Variants in CADM1 observed in about 807,000 individuals in gnomAD.
The protein encoded by CADM1 is TSLC-1.
In CADM1, 15 loss-of-function variants were observed where a neutral mutation model predicts 53.1. The ratio of observed to expected loss-of-function variants is 0.28; its 90% confidence interval spans 0.19 to 0.44. The LOEUF is 0.44. Ranked by LOEUF, CADM1 falls within the 20% of genes least tolerant of loss-of-function variation. CADM1 has a pLI of 1.00. For synonymous variants in CADM1, 281 were observed against 243.0 expected, an observed-to-expected ratio of 1.16 and a Z score of -1.45; for missense variants, 434 against 611.3, an observed-to-expected ratio of 0.71 and a Z score of 3.06.
intron 1 of CADM1, among the ~76,000 whole-genome samples, chr11:115,471,969 G>A (rs1949022685): frequency 6.6e-6 from 1 of 152,060 alleles, no homozygotes; most frequent in South Asian, 2.1e-4. Context: ...AGAGGGCAAG[G>A]GGCCATGGCA....
At chr11:115,217,147 T>A (rs962925755) in intron 6 of CADM1, among the ~76,000 whole-genome samples, 1 of 152,138 alleles carries the variant, frequency 6.6e-6, no homozygotes, top group Admixed American at 6.5e-5. Flanking sequence ...TAAAGAAGTG[T>A]CCCCTGCCCA....
chr11:115,357,471 A>G (rs1164314994), intron 1 of CADM1, among the ~76,000 whole-genome samples: 1 of 152,192 alleles, frequency 6.6e-6, no homozygotes, highest in East Asian at 1.9e-4. Flanking sequence ...TATACAGGCC[A>G]TAAGGAGATG....
chr11:115,358,741 A>G (rs569956307), intron 1 of CADM1, among the ~76,000 whole-genome samples: 1 of 152,334 alleles, frequency 6.6e-6, no homozygotes, highest in South Asian at 2.1e-4. Context: ...AATCTAGTCT[A>G]CTGTACGTAG....
chr11:115,421,193 G>T (rs1440861693), intron 1 of CADM1, among the ~76,000 whole-genome samples: 1 of 152,154 alleles, frequency 6.6e-6, no homozygotes, highest in African/African-American at 2.4e-5. Context: ...GCAAAGTTTG[G>T]CAAGATCTTT....
In CADM1 at chr11:115,312,229, C is replaced by A. The variant is rs910238488; in HGVS notation, c.125-71809G>T. ...GAATGATTAGTTTCTTGCTCCAATG[C>A]CGCTTTATTTAAATTTCAGGGACTC... On this transcript the variant is annotated intron_variant, in intron 1 of 11. Coordinates refer to ENST00000331581, the MANE Select transcript of CADM1 (RefSeq NM_001301043.2). 3.9e-5 allele frequency among the ~76,000 whole-genome samples: 6 copies of A among 152,110 alleles called. 1 individual carries two copies. Among genetic ancestry groups the A allele is most frequent in the Non-Finnish European group, 7.4e-5 (5 of 68,010 alleles).
At chr11:115,269,445 T>C (rs965949004) in intron 1 of CADM1, among the ~76,000 whole-genome samples, 2 of 152,174 alleles carry the variant, frequency 1.3e-5, no homozygotes, top group Non-Finnish European at 2.9e-5. Context: ...GACTCCTGAA[T>C]TGCAAACCAT....
At chr11:115,337,794 T>TA (rs1945306768) in intron 1 of CADM1, among the ~76,000 whole-genome samples, 1 of 152,128 alleles carries the variant, frequency 6.6e-6, no homozygotes, top group Non-Finnish European at 1.5e-5. Flanking sequence ...AATGGTTTAT[T>TA]AAAAATCCAT....
intron 1 of CADM1, among the ~76,000 whole-genome samples, chr11:115,391,560 G>T (rs1946836964): frequency 6.6e-6 from 1 of 152,178 alleles, no homozygotes; most frequent in Admixed American, 6.6e-5. Context: ...GAGAAGAGGA[G>T]GAGGATGCGG....
At chr11:115,447,449 C>T (rs780059557) in intron 1 of CADM1, among the ~76,000 whole-genome samples, 22 of 152,150 alleles carry the variant, frequency 1.4e-4, no homozygotes, top group Non-Finnish European at 2.6e-4. Context: ...AGTTTATTGC[C>T]TCTCAGCTTC....
chr11:115,186,328 G>A (rs1298849795), intron 10 of CADM1, among the ~76,000 whole-genome samples: 1 of 152,172 alleles, frequency 6.6e-6, no homozygotes, highest in Non-Finnish European at 1.5e-5. Flanking sequence ...CTTCTTTGAG[G>A]AGAAAGAGCT....
chr11:115,313,698 C>T (rs751675131), intron 1 of CADM1, among the ~76,000 whole-genome samples: 1 of 152,140 alleles, frequency 6.6e-6, no homozygotes, highest in African/African-American at 2.4e-5. Flanking sequence ...GTCAGCCAGG[C>T]GACTAAGTTC....
intron 1 of CADM1, among the ~76,000 whole-genome samples, chr11:115,484,744 G>C (rs1007820287): frequency 6.6e-6 from 1 of 151,920 alleles, no homozygotes; most frequent in Non-Finnish European, 1.5e-5. Context: ...TCAGGAGATT[G>C]AGACCATCCT....
At chr11:115,275,883 C>T (rs187226818) in intron 1 of CADM1, among the ~76,000 whole-genome samples, 1 of 152,132 alleles carries the variant, frequency 6.6e-6, no homozygotes, top group Non-Finnish European at 1.5e-5. Flanking sequence ...CCATTAGCTG[C>T]AATTTTCAAT....
intron 1 of CADM1, among the ~76,000 whole-genome samples, chr11:115,255,266 C>T (rs1285524315): frequency 2.0e-5 from 3 of 152,182 alleles, no homozygotes; most frequent in Admixed American, 2.0e-4. Flanking sequence ...GCAAAGGACA[C>T]ATACATTCTG....
chr11:115,500,921 G>A (rs957795021), intron 1 of CADM1, among the ~76,000 whole-genome samples: 5 of 152,234 alleles, frequency 3.3e-5, no homozygotes, highest in Non-Finnish European at 7.3e-5. Flanking sequence ...GAGAGGAAAC[G>A]AAAGTGTCCT....
At chr11:115,268,441 C>T (rs1442099991) in intron 1 of CADM1, among the ~76,000 whole-genome samples, 1 of 152,166 alleles carries the variant, frequency 6.6e-6, no homozygotes, top group Non-Finnish European at 1.5e-5. Context: ...AAATCTCTAT[C>T]TGCACTCTTC....
In CADM1 at chr11:115,178,654, G is replaced by A; in HGVS notation, c.1287C>T (p.Ala429=). The stretch of plus-strand genomic sequence containing the variant: ...TGAAGCTTTGCTTACCTTTATGTCT[G>A]GCAAAATAGCGCCCCAGAATGATGA... ...CLLIILGRYF[A]RHKGTYFTHE... Residue 429 remains alanine (A), a synonymous_variant, in exon 11 of 12, where the codon GCC becomes GCT. Coordinates refer to ENST00000331581, the MANE Select transcript of CADM1 (RefSeq NM_001301043.2). The A allele has an allele frequency of 6.2e-7, 1 of 1,613,144 alleles. No individual in the cohort carries two copies. Among genetic ancestry groups the A allele is most frequent in the East Asian group, 2.2e-5 (1 of 44,860 alleles).
chr11:115,173,917 G>C lies in CADM1; in HGVS notation c.*2557C>G, dbSNP rs2134560999. On this transcript the variant is annotated 3_prime_UTR_variant, in exon 12 of 12. Transcript: ENST00000331581. ...TTTAAAAAACACAAAAAACAAGTTT[G>C]TTCTTTCTTCACTCTAAAAAAAGTG... 1 of 968,108 alleles carries C rather than the reference G, an allele frequency of 1.0e-6. No individual in the cohort carries two copies. The highest frequency in any genetic ancestry group is 1.1e-4 in the East Asian group (1 of 8,718). The allele number at this position is 968,108 out of a possible 1,614,324, so 60.0% of individuals were successfully genotyped here. A position where few individuals can be genotyped will look rare whatever the true frequency, so the allele number is the denominator to read the frequency against.
intron 1 of CADM1, among the ~76,000 whole-genome samples, chr11:115,440,579 G>T (rs1208976178): frequency 6.6e-6 from 1 of 152,162 alleles, no homozygotes; most frequent in African/African-American, 2.4e-5. Flanking sequence ...TCATATATAA[G>T]CATTCATGTA....
Sources: allele counts gnomAD v4.1 joint callset (sites outside exome capture counted in the v4.1 genomes callset), GRCh38; gene constraint gnomAD v4.1.1; transcripts MANE v1.5; gene names NCBI Gene and HGNC (gene_info 2026-07-23, HGNC 2026-07-21).